GYS2: variants seen among roughly 807,000 people sequenced by gnomAD.
GYS2 encodes the protein glycogen [starch] synthase, liver.
Under a neutral mutation model 85.6 loss-of-function variants are expected in GYS2, and 80 were observed. The observed-to-expected ratio is 0.93, with a 90% CI of 0.78 to 1.13. The LOEUF (loss-of-function observed/expected upper bound fraction) is 1.13, where lower values mean the gene tolerates loss of function less well. Among genes scored for constraint, GYS2 ranks in the 50% most tolerant of loss-of-function variants. GYS2 has a pLI of 0.00. For missense variants in GYS2, 881 were observed against 854.9 expected, an observed-to-expected ratio of 1.03 and a Z score of -0.38; for synonymous variants, 328 against 300.7, an observed-to-expected ratio of 1.09 and a Z score of -0.94.
At position 21,546,436 on chromosome 12, in the gene GYS2, C is replaced by G; in HGVS notation, c.1457G>C (p.Ser486Thr). The change falls in exon 12 of 16, where the codon AGT becomes ACT. Residue 486 changes from serine to threonine, a missense_variant. Ser to Thr is a moderately conservative substitution (Grantham distance 58). Coordinates refer to ENST00000261195, the MANE Select transcript of GYS2 (RefSeq NM_021957.4). ...ILHPEFLSST[S>T]PLLPMDYEEF... is the part of the protein sequence containing the mutation. ...TTCATAGTCCATGGGTAGTAAGGGACTGGTGGAGGATAGAAACTCTGGGTG... is the reference window on the plus strand; with the variant it reads ...TTCATAGTCCATGGGTAGTAAGGGAGTGGTGGAGGATAGAAACTCTGGGTG... 1 of 1,599,214 alleles carries G rather than the reference C, an allele frequency of 6.3e-7. No individual in the cohort carries two copies. Among genetic ancestry groups the G allele is most frequent in the Non-Finnish European group, 8.6e-7 (1 of 1,167,770 alleles).
chr12:21,576,510 A>G (rs555364561), intron 2 of GYS2, among the ~76,000 whole-genome samples: 6 of 152,290 alleles, frequency 3.9e-5, no homozygotes, highest in Non-Finnish European at 7.4e-5. Context: ...AGAAAAAGCT[A>G]TTTCTGTAGT....
intron 11 of GYS2, among the ~76,000 whole-genome samples, chr12:21,555,761 T>C (rs1164297053): frequency 6.6e-6 from 1 of 152,122 alleles, no homozygotes; most frequent in Non-Finnish European, 1.5e-5. Flanking sequence ...GGGAGATGAG[T>C]ATGAGGCTGA....
Position 21,539,295 on chromosome 12 carries a change from G to A in GYS2, c.1853C>T (p.Pro618Leu). 1 of 1,605,886 alleles carries A rather than the reference G, an allele frequency of 6.2e-7. No individual in the cohort carries two copies. The highest frequency in any genetic ancestry group is 8.5e-7 in the Non-Finnish European group (1 of 1,172,664). Reference sequence around the variant, plus strand: ...TGTTAGTTCCACATGGAATTTATCTGGAAAAGCTCTGCTTAATGTCAGGTG... The same window carrying A: ...TGTTAGTTCCACATGGAATTTATCTAGAAAAGCTCTGCTTAATGTCAGGTG... ...ARHLTLSRAFPDKFHVELTSP... is the reference protein window; with the variant it reads ...ARHLTLSRAFLDKFHVELTSP... Residue 618 changes from proline (P) to leucine (L), a missense_variant, in exon 15 of 16, where the codon CCA becomes CTA. By Grantham distance (98) the Pro-to-Leu change is moderately conservative. Transcript: ENST00000261195.
At chr12:21,541,242 T>C (rs1943969240) in intron 13 of GYS2, among the ~76,000 whole-genome samples, 1 of 109,104 alleles carries the variant, frequency 9.2e-6, no homozygotes, top group Admixed American at 1.5e-4. Flanking sequence ...CACTCCAGCC[T>C]GGGCAACAGA....
rs1944787480 is a variant in GYS2, at chr12:21,604,630, T to C, written c.-38A>G. The C allele has an allele frequency of 6.2e-7, 1 of 1,610,540 alleles. No homozygotes were observed. Among genetic ancestry groups the C allele is most frequent in the Non-Finnish European group, 8.5e-7 (1 of 1,177,678 alleles). ...CCTCCGAGACTCCTTTGAATTCCTGTTTCAATTAGTTGTAATCCCAGGAGA... is the reference window on the plus strand; with the variant it reads ...CCTCCGAGACTCCTTTGAATTCCTGCTTCAATTAGTTGTAATCCCAGGAGA... On this transcript the variant is annotated 5_prime_UTR_variant, in exon 1 of 16. Transcript: ENST00000261195.
At chr12:21,557,200 T>A (rs1944190825) in intron 11 of GYS2, among the ~76,000 whole-genome samples, 1 of 152,234 alleles carries the variant, frequency 6.6e-6, no homozygotes, top group Non-Finnish European at 1.5e-5. Context: ...TCATTGTGGC[T>A]ATTTGATCTT....
intron 1 of GYS2, 80 bp from the exon 2 acceptor site, chr12:21,580,603 AT>A (rs1944498064): frequency 9.7e-7 from 1 of 1,033,358 alleles, no homozygotes; most frequent in Non-Finnish European, 1.5e-6. Context: ...ATGAGTTCAG[AT>A]TTTTAAATTA....
chr12:21,582,076 G>GAA (rs35630202), intron 1 of GYS2, among the ~76,000 whole-genome samples: 5 of 151,342 alleles, frequency 3.3e-5, no homozygotes, highest in South Asian at 2.1e-4. Flanking sequence ...TACAGAATGA[G>GAA]AAAAAAAAAT....
chr12:21,595,366 G>T (rs1287490668), intron 1 of GYS2, among the ~76,000 whole-genome samples: 2 of 152,192 alleles, frequency 1.3e-5, no homozygotes, highest in Non-Finnish European at 2.9e-5. Context: ...GTGGGAAAGG[G>T]AGATCCTCCT....
In GYS2 at chr12:21,559,145, A is replaced by G; in HGVS notation, c.1254T>C (p.Asp418=). The change falls in exon 10 of 16, where the codon GAT becomes GAC. Residue 418 remains aspartate (D), a synonymous_variant. Transcript: ENST00000261195. Reference sequence around the variant, plus strand: ...TTGTTAGATCATCTCGATCTAAAATATCGTTCAGGTCAGGAATTTCTCCTC... The same window carrying G: ...TTGTTAGATCATCTCGATCTAAAATGTCGTTCAGGTCAGGAATTTCTCCTC... ...LLRGEIPDLN[D]ILDRDDLTIM... is the part of the protein sequence containing the mutation. The G allele has an allele frequency of 6.2e-7, 1 of 1,608,486 alleles. No individual in the cohort carries two copies. The highest frequency in any genetic ancestry group is 1.1e-5 in the South Asian group (1 of 90,760).
chr12:21,561,540 T>C (rs1217076211), intron 7 of GYS2, among the ~76,000 whole-genome samples: 1 of 152,206 alleles, frequency 6.6e-6, no homozygotes, highest in East Asian at 1.9e-4. Context: ...GAATTCCTTC[T>C]TTTAACTTCT....
chr12:21,580,641 A>AT, intron 1 of GYS2, 118 bp from the exon 2 acceptor site: 2 of 787,822 alleles, frequency 2.5e-6, no homozygotes, highest in Non-Finnish European at 2.2e-6. Flanking sequence ...AAGCCCAAGG[A>AT]TTTATTTACC....
intron 11 of GYS2, among the ~76,000 whole-genome samples, chr12:21,549,941 TA>T (rs2136857249): frequency 6.6e-6 from 1 of 152,332 alleles, no homozygotes; most frequent in East Asian, 1.9e-4. Flanking sequence ...CATTCCTAAT[TA>T]AACTTTTAAT....
chr12:21,556,209 C>T (rs117141180), intron 11 of GYS2, among the ~76,000 whole-genome samples: 3,177 of 152,176 alleles, frequency 0.021, 64 homozygotes, highest in Non-Finnish European at 0.03. Context: ...GGCGGAGTCT[C>T]ACTCTGTCAC....
chr12:21,539,714 A>G (rs1943950329), intron 14 of GYS2, among the ~76,000 whole-genome samples: 1 of 152,230 alleles, frequency 6.6e-6, no homozygotes. Context: ...GACCTTAGGC[A>G]AGAAACATCA....
chr12:21,532,711 T>C (rs1943877527), downstream of GYS2: 1 of 152,194 alleles, frequency 6.6e-6, no homozygotes, highest in Non-Finnish European at 1.5e-5. Flanking sequence ...ATTGTACAAA[T>C]TGACTATTCA....
chr12:21,555,015 T>G (rs1469285783), intron 11 of GYS2, among the ~76,000 whole-genome samples: 1 of 152,154 alleles, frequency 6.6e-6, no homozygotes, highest in Non-Finnish European at 1.5e-5. Flanking sequence ...CATCCCTCCC[T>G]TCTGTCTGCA....
At chr12:21,541,846 C>T (rs1249106278) in intron 13 of GYS2, among the ~76,000 whole-genome samples, 3 of 152,030 alleles carry the variant, frequency 2.0e-5, no homozygotes, top group Non-Finnish European at 2.9e-5. Context: ...TTTCAACCCA[C>T]GCCCCTTCCC....
chr12:21,559,177 GAAAAAATGTTAATAAC>G lies in GYS2; in HGVS notation c.1230-24_1230-9del. On this transcript the variant is annotated splice_polypyrimidine_tract_variant and intron_variant, in intron 9 of 15. Transcript: ENST00000261195. ...AGGTCAGGAATTTCTCCTCTGCAGG[GAAAAAATGTTAATAAC>G]AAAAATAAAAACAGCTGGCACTAAT... 6.4e-7 allele frequency: 1 copy of G among 1,562,886 alleles called. No homozygotes were observed. The highest frequency in any genetic ancestry group is 8.8e-7 in the Non-Finnish European group (1 of 1,135,154).
Sources: gnomAD v4.1 joint callset for allele counts (sites outside exome capture counted in the v4.1 genomes callset) on GRCh38, gnomAD v4.1.1 for gene constraint, MANE v1.5 for transcripts, NCBI Gene and HGNC (gene_info 2026-07-23, HGNC 2026-07-21) for gene names.